The following STAU2 variants were observed in gnomAD, a reference collection of about 807,000 sequenced individuals.
The protein encoded by STAU2 is double-stranded RNA-binding protein Staufen homolog 2.
In STAU2, 20 loss-of-function variants were observed where a neutral mutation model predicts 65.9. The observed-to-expected ratio is 0.30, with a 90% confidence interval of 0.21 to 0.44. The LOEUF is 0.44. STAU2 is among the 20% of genes least tolerant of loss of function. The probability of loss-of-function intolerance (pLI) is 1.00; values close to 1 mark genes in which losing one functional copy is unlikely to be tolerated. For missense variants in STAU2, 558 were observed against 683.9 expected (o/e 0.82, Z 2.05); for synonymous variants, 232 against 233.9 (o/e 0.99, Z 0.07).
intron 11 of STAU2, among the ~76,000 whole-genome samples, chr8:73,592,290 GCTA>G (rs1017107277): frequency 1.3e-5 from 2 of 151,926 alleles, no homozygotes; most frequent in Non-Finnish European, 2.9e-5. Context: ...TACAGATTCT[GCTA>G]CTACTAAAAG....
At chr8:73,538,507 T>C (rs1806324783) in intron 13 of STAU2, among the ~76,000 whole-genome samples, 1 of 152,002 alleles carries the variant, frequency 6.6e-6, no homozygotes. Context: ...CTAAATTTTC[T>C]CTTAATTAGA....
At chr8:73,737,078 G>A (rs1449779294) in intron 3 of STAU2, among the ~76,000 whole-genome samples, 2 of 151,990 alleles carry the variant, frequency 1.3e-5, no homozygotes, top group Non-Finnish European at 2.9e-5. Context: ...TGTTGGCCAT[G>A]CTGGTCTTGA....
chr8:73,566,119 A>T (rs915844985), intron 12 of STAU2, among the ~76,000 whole-genome samples: 32 of 152,364 alleles, frequency 2.1e-4, no homozygotes, highest in Middle Eastern at 3.4e-3. Flanking sequence ...TGCTTTCTTC[A>T]TCTGTAAGAT....
At chr8:73,662,724 C>T (rs1384617520) in intron 6 of STAU2, among the ~76,000 whole-genome samples, 4 of 152,142 alleles carry the variant, frequency 2.6e-5, no homozygotes, top group African/African-American at 9.7e-5. Context: ...TCAAGCAATT[C>T]TCCTGCCTCA....
At chr8:73,445,815 T>C (rs1444697627) in intron 13 of STAU2, among the ~76,000 whole-genome samples, 1 of 152,150 alleles carries the variant, frequency 6.6e-6, no homozygotes, top group Non-Finnish European at 1.5e-5. Flanking sequence ...ACATAAAAAG[T>C]AGTGACACCA....
intron 10 of STAU2, among the ~76,000 whole-genome samples, chr8:73,601,713 T>C (rs578048360): frequency 6.6e-6 from 1 of 152,264 alleles, no homozygotes; most frequent in Admixed American, 6.5e-5. Context: ...ATGTCCCCAT[T>C]TGACTAGAAT....
intron 6 of STAU2, among the ~76,000 whole-genome samples, chr8:73,642,725 G>A (rs1243586945): frequency 1.3e-5 from 2 of 152,192 alleles, no homozygotes; most frequent in Non-Finnish European, 2.9e-5. Context: ...CAAGGCAGGG[G>A]CCTGGGGAAT....
chr8:73,634,722 A>G (rs779465406), intron 6 of STAU2, among the ~76,000 whole-genome samples: 7 of 152,008 alleles, frequency 4.6e-5, no homozygotes, highest in Non-Finnish European at 1.0e-4. Flanking sequence ...TCACCATATA[A>G]GCCTCCACGT....
intron 13 of STAU2, among the ~76,000 whole-genome samples, chr8:73,467,481 G>A (rs59024658): frequency 0.073 from 11,122 of 152,194 alleles, 814 homozygotes; most frequent in African/African-American, 0.19. Context: ...GCAGTGAGCC[G>A]AGATCGCGCC....
intron 9 of STAU2, among the ~76,000 whole-genome samples, chr8:73,612,270 ATAATTAC>A (rs1239749112): frequency 1.3e-5 from 2 of 152,228 alleles, no homozygotes; most frequent in Admixed American, 6.5e-5. Flanking sequence ...TGAATACTTA[ATAATTAC>A]TAATGCATTT....
At position 73,464,564 on chromosome 8, in the gene STAU2, G is replaced by A. The variant is rs1232350194; in HGVS notation, c.1531-41862C>T. Among the ~76,000 whole-genome samples, 11 of 151,564 alleles carry A rather than the reference G, an allele frequency of 7.3e-5. No individual in the cohort carries two copies. The East Asian group carries it at 1.8e-3, about 24-fold the overall frequency. ...CACAGGCAGCATTGGATTTAAATAC[G>A]CACACACAGAAATGCACACGTGCAT... is the stretch of plus-strand genomic sequence containing the variant. On this transcript the variant is annotated intron_variant, in intron 13 of 14. Transcript: ENST00000524300.
chr8:73,495,900 G>A (rs529948585), intron 13 of STAU2, among the ~76,000 whole-genome samples: 29 of 151,148 alleles, frequency 1.9e-4, no homozygotes, highest in Non-Finnish European at 2.5e-4. Context: ...TTGTCTCCCC[G>A]CACACATATA....
chr8:73,474,150 A>G (rs1820191226), intron 13 of STAU2, among the ~76,000 whole-genome samples: 1 of 152,120 alleles, frequency 6.6e-6, no homozygotes, highest in South Asian at 2.1e-4. Context: ...AAACAAAACA[A>G]AACAAAAAAA....
At chr8:73,651,258 GA>G (rs1815853308) in intron 6 of STAU2, 1 of 688,584 alleles carries the variant, frequency 1.5e-6, no homozygotes, top group African/African-American at 1.8e-5. Context: ...CTGGGTTGAG[GA>G]AAGGGCCAAA....
In STAU2 at chr8:73,513,673, G is replaced by T. The variant is rs187671698; in HGVS notation, c.1530+38339C>A. 1.5e-4 allele frequency among the ~76,000 whole-genome samples: 23 copies of T among 152,260 alleles called. No individual in the cohort carries two copies. In the East Asian group the frequency reaches 3.9e-3, roughly 26 times the overall value. ...TCCCTGATAGATTTCTGGCTAGTCT[G>T]CTGATACACTGTTGGCCCCAACTAG... On this transcript the variant is annotated intron_variant, in intron 13 of 14. Transcript: ENST00000524300.
At position 73,738,341 on chromosome 8, in the gene STAU2, C is replaced by G; in HGVS notation, c.-75G>C. ...GACCAAACTGCTGTATCCCTCACGG[C>G]TCCAAAAACTGGAAAACGAAAATGA... On this transcript the variant is annotated 5_prime_UTR_variant, in exon 3 of 15. Transcript: ENST00000524300. 6.3e-7 allele frequency: 1 copy of G among 1,576,838 alleles called. No homozygotes were observed. The highest frequency in any genetic ancestry group is 8.6e-7 in the Non-Finnish European group (1 of 1,168,536).
chr8:73,496,555 C>T (rs776289072), intron 13 of STAU2, among the ~76,000 whole-genome samples: 11 of 151,650 alleles, frequency 7.3e-5, no homozygotes, highest in Non-Finnish European at 1.2e-4. Flanking sequence ...TCATCTTTGA[C>T]ATAAAAGTGT....
At chr8:73,545,796 C>T (rs981499953) in intron 13 of STAU2, among the ~76,000 whole-genome samples, 5 of 151,626 alleles carry the variant, frequency 3.3e-5, no homozygotes, top group South Asian at 2.1e-4. Flanking sequence ...TCCAGGCGCC[C>T]GCCACCATGC....
chr8:73,445,168 G>A (rs1275538788), intron 13 of STAU2, among the ~76,000 whole-genome samples: 1 of 152,174 alleles, frequency 6.6e-6, no homozygotes, highest in Non-Finnish European at 1.5e-5. Context: ...GACAAATCCA[G>A]AATCTTATTC....
Sources: gnomAD v4.1 joint callset for allele counts (sites outside exome capture counted in the v4.1 genomes callset) on GRCh38, gnomAD v4.1.1 for gene constraint, MANE v1.5 for transcripts, NCBI Gene and HGNC (gene_info 2026-07-23, HGNC 2026-07-21) for gene names.